LRP1B: variants seen among roughly 807,000 people sequenced by gnomAD.
The protein encoded by LRP1B is low-density lipoprotein receptor-related protein 1B.
A neutral mutation model predicts 556.6 loss-of-function variants in LRP1B; 217 were observed. The observed-to-expected ratio is 0.39, with a 90% confidence interval of 0.35 to 0.44. The LOEUF (loss-of-function observed/expected upper bound fraction) is 0.44, where lower values mean the gene tolerates loss of function less well. Ranked by LOEUF, LRP1B falls within the 20% of genes least tolerant of loss-of-function variation. The pLI, the probability that LRP1B is intolerant of heterozygous loss-of-function variation, is 1.00. For synonymous variants in LRP1B, 2,047 were observed against 1,865.8 expected (o/e 1.10, Z -2.50); for missense variants, 5,053 against 5,620.8 (o/e 0.90, Z 3.23).
intron 1 of LRP1B, among the ~76,000 whole-genome samples, chr2:141,866,080 AT>A (rs745700382): frequency 6.6e-6 from 1 of 152,198 alleles, no homozygotes; most frequent in Non-Finnish European, 1.5e-5. Flanking sequence ...GTCCTTGAGG[AT>A]TTTAGTGACC....
chr2:141,705,454 C>G (rs932401257), intron 2 of LRP1B, among the ~76,000 whole-genome samples: 2 of 151,928 alleles, frequency 1.3e-5, no homozygotes, highest in Admixed American at 1.3e-4. Flanking sequence ...CTGGGAAAAT[C>G]ATGAAGGTAG....
At chr2:140,595,904 T>G (rs1348626077) in intron 43 of LRP1B, among the ~76,000 whole-genome samples, 1 of 152,202 alleles carries the variant, frequency 6.6e-6, no homozygotes, top group East Asian at 1.9e-4. Context: ...ACTTTCATTC[T>G]AGTATTTATT....
At chr2:141,621,169 T>A (rs1328587263) in intron 2 of LRP1B, among the ~76,000 whole-genome samples, 1 of 152,224 alleles carries the variant, frequency 6.6e-6, no homozygotes, top group Non-Finnish European at 1.5e-5. Context: ...AAATTATATA[T>A]GCCTATAATA....
intron 11 of LRP1B, among the ~76,000 whole-genome samples, chr2:141,044,335 A>G (rs1001952542): frequency 2.0e-5 from 3 of 151,842 alleles, no homozygotes; most frequent in Admixed American, 6.6e-5. Flanking sequence ...AAACCTAGGC[A>G]TTACCATTCA....
At chr2:141,654,454 CTG>C (rs988774626) in intron 2 of LRP1B, among the ~76,000 whole-genome samples, 12 of 152,138 alleles carry the variant, frequency 7.9e-5, no homozygotes, top group African/African-American at 1.2e-4. Flanking sequence ...TGGGAAGACA[CTG>C]TGAACAGGTG....
At chr2:141,473,805 CAAGT>C in intron 3 of LRP1B, among the ~76,000 whole-genome samples, 1 of 139,790 alleles carries the variant, frequency 7.2e-6, no homozygotes, top group South Asian at 2.6e-4. Context: ...TATAACATTG[CAAGT>C]GTTATGCAAC....
At chr2:140,591,473 G>A (rs561151247) in intron 43 of LRP1B, among the ~76,000 whole-genome samples, 3 of 152,312 alleles carry the variant, frequency 2.0e-5, no homozygotes, top group East Asian at 3.9e-4. Flanking sequence ...CTGCTGTCAG[G>A]AGAACTTTCT....
intron 3 of LRP1B, among the ~76,000 whole-genome samples, chr2:141,366,564 T>C (rs552068001): frequency 6.6e-6 from 1 of 152,364 alleles, no homozygotes; most frequent in South Asian, 2.1e-4. Flanking sequence ...TTTCATGCAA[T>C]ATTTTATTAA....
At chr2:141,163,012 C>T (rs145050752) in intron 7 of LRP1B, among the ~76,000 whole-genome samples, 41 of 152,190 alleles carry the variant, frequency 2.7e-4, no homozygotes, top group African/African-American at 5.8e-4. Flanking sequence ...GGTTTGTCAT[C>T]GTCAATCCAC....
At chr2:141,464,200 G>T (rs1403533720) in intron 3 of LRP1B, among the ~76,000 whole-genome samples, 1 of 152,046 alleles carries the variant, frequency 6.6e-6, no homozygotes, top group Non-Finnish European at 1.5e-5. Context: ...ACTGCTGTGA[G>T]TTTACCCTTG....
At position 141,322,959 on chromosome 2, in the gene LRP1B, A is replaced by G. The variant is rs1381960087; in HGVS notation, c.344-68318T>C. Reference sequence around the variant, plus strand: ...TATCTGAGCTTGAAGATTTTTCTGCATATTTGTTTACTCATTGCAAAATGA... The same window carrying G: ...TATCTGAGCTTGAAGATTTTTCTGCGTATTTGTTTACTCATTGCAAAATGA... On this transcript the variant is annotated intron_variant, in intron 3 of 90. Transcript: ENST00000389484. 2.6e-5 allele frequency among the ~76,000 whole-genome samples: 4 copies of G among 152,136 alleles called. No homozygotes were observed. The East Asian group carries it at 5.8e-4, about 22-fold the overall frequency.
chr2:141,863,433 G>A lies in LRP1B; in HGVS notation c.83-53032C>T, dbSNP rs376787547. 1.7e-4 allele frequency among the ~76,000 whole-genome samples: 26 copies of A among 152,296 alleles called. No homozygotes were observed. In the East Asian group the frequency reaches 1.9e-3, roughly 11 times the overall value. On this transcript the variant is annotated intron_variant, in intron 1 of 90. Transcript: ENST00000389484. ...AATGCCAAAGGAAATTCTTTACCTAGAGTAGTCAGGAAAAGCTGTACCAAA... is the reference window on the plus strand; with the variant it reads ...AATGCCAAAGGAAATTCTTTACCTAAAGTAGTCAGGAAAAGCTGTACCAAA...
chr2:141,370,980 C>T (rs1689208927), intron 3 of LRP1B, among the ~76,000 whole-genome samples: 1 of 151,912 alleles, frequency 6.6e-6, no homozygotes, highest in African/African-American at 2.4e-5. Flanking sequence ...TTTCTGAGTT[C>T]TCTTTTCTTT....
chr2:141,474,099 G>C (rs61572893), intron 3 of LRP1B, among the ~76,000 whole-genome samples: 192 of 57,706 alleles, frequency 3.3e-3, no homozygotes, highest in African/African-American at 6.5e-3. Flanking sequence ...CCTTTCCTCC[G>C]TCCCTTCCTT....
intron 3 of LRP1B, among the ~76,000 whole-genome samples, chr2:141,409,910 G>A (rs1380213691): frequency 6.6e-6 from 1 of 151,938 alleles, no homozygotes; most frequent in African/African-American, 2.4e-5. Context: ...AAAAAACAAA[G>A]TATACATAGT....
intron 43 of LRP1B, among the ~76,000 whole-genome samples, chr2:140,588,423 AG>A (rs1397191799): frequency 6.6e-6 from 1 of 152,226 alleles, no homozygotes; most frequent in Non-Finnish European, 1.5e-5. Flanking sequence ...AAAGTTAGAC[AG>A]AGAATATACC....
chr2:140,844,992 G>A (rs907907582), intron 29 of LRP1B, among the ~76,000 whole-genome samples: 11 of 152,190 alleles, frequency 7.2e-5, no homozygotes, highest in African/African-American at 2.7e-4. Context: ...GAATGGGTGA[G>A]CTAAGTAAGA....
intron 3 of LRP1B, among the ~76,000 whole-genome samples, chr2:141,255,942 T>G (rs1427173156): frequency 6.6e-6 from 1 of 151,960 alleles, no homozygotes; most frequent in South Asian, 2.1e-4. Context: ...TATTGTAATG[T>G]GATATTTATT....
intron 2 of LRP1B, among the ~76,000 whole-genome samples, chr2:141,716,236 G>A (rs904108810): frequency 2.0e-5 from 3 of 152,186 alleles, no homozygotes; most frequent in Non-Finnish European, 2.9e-5. Flanking sequence ...CAGCACAGAA[G>A]CTATAAAGGG....
Sources: gnomAD v4.1 joint callset for allele counts (sites outside exome capture counted in the v4.1 genomes callset) on GRCh38, gnomAD v4.1.1 for gene constraint, MANE v1.5 for transcripts, NCBI Gene and HGNC (gene_info 2026-07-23, HGNC 2026-07-21) for gene names.